NCAPD3: variants seen among roughly 807,000 people sequenced by gnomAD.
NCAPD3 encodes condensin-2 complex subunit D3.
A neutral mutation model predicts 182.9 loss-of-function variants in NCAPD3; 105 were observed. The ratio of observed to expected loss-of-function variants is 0.57; its 90% CI spans 0.49 to 0.68. The LOEUF (loss-of-function observed/expected upper bound fraction) is 0.68. Among genes scored for constraint, NCAPD3 ranks in the 30% least tolerant of loss-of-function variants. NCAPD3 has a pLI of 0.00. For synonymous variants in NCAPD3, 815 were observed against 679.9 expected, an observed-to-expected ratio of 1.20 and a Z score of -3.09; for missense variants, 1,944 against 1,837.0, an observed-to-expected ratio of 1.06 and a Z score of -1.07.
intron 32 of NCAPD3, among the ~76,000 whole-genome samples, chr11:134,156,550 G>A (rs549560201): frequency 6.6e-6 from 1 of 152,326 alleles, no homozygotes; most frequent in Admixed American, 6.5e-5. Context: ...AAAAAACATG[G>A]AGGGGAATGA....
chr11:134,183,567 C>T (rs1429122293), intron 19 of NCAPD3, among the ~76,000 whole-genome samples: 1 of 151,976 alleles, frequency 6.6e-6, no homozygotes, highest in Non-Finnish European at 1.5e-5. Flanking sequence ...GACTCCATCT[C>T]AAAAATAAAA....
chr11:134,166,872 G>A (rs535349162), intron 27 of NCAPD3, among the ~76,000 whole-genome samples: 1 of 129,166 alleles, frequency 7.7e-6, no homozygotes, highest in African/African-American at 3.0e-5. Context: ...GAGCTTAGGG[G>A]AGGCGCACAC....
At chr11:134,167,939 TA>T (rs1369320468) in intron 27 of NCAPD3, 56 bp downstream of exon 27, 10 of 1,528,490 alleles carry the variant, frequency 6.5e-6, no homozygotes, top group Admixed American at 1.7e-5. Flanking sequence ...GAGATGAGCT[TA>T]GGGGAGCAGC....
chr11:134,204,114 T>C lies in NCAPD3; in HGVS notation c.1147A>G (p.Ser383Gly). Residue 383 changes from serine (S) to glycine (G), a missense_variant, in exon 10 of 35, where the codon AGT (serine) becomes GGT (glycine). Transcript: ENST00000534548. This position sits in a 1 kb window ranked among gnomAD's most constrained non-coding sequence, Gnocchi z 4.3. Reference protein sequence around the residue: ...FAAQSLVQLLSKLPCGEYAMF... With the variant: ...FAAQSLVQLLGKLPCGEYAMF... The stretch of plus-strand genomic sequence containing the variant: ...GCGTATTCCCCACAAGGAAGTTTAC[T>C]GAGCAGCTGGACTAGGGACTGGGCT... 6.2e-7 allele frequency: 1 copy of C among 1,614,148 alleles called. No homozygotes were observed. The highest frequency in any genetic ancestry group is 8.5e-7 in the Non-Finnish European group (1 of 1,180,012).
chr11:134,213,239 G>A (rs886670239), intron 3 of NCAPD3, among the ~76,000 whole-genome samples: 4 of 152,140 alleles, frequency 2.6e-5, no homozygotes, highest in Admixed American at 2.6e-4. Context: ...TATTCTGGAG[G>A]CTGAGGAGCC....
upstream of NCAPD3, chr11:134,224,939 C>G (rs961074009): frequency 9.7e-6 from 3 of 310,472 alleles, no homozygotes; most frequent in African/African-American, 4.4e-5. Flanking sequence ...CCGGCCGTGC[C>G]CCTCCCCCGT....
At chr11:134,174,191 G>A (rs773307973) in intron 24 of NCAPD3, among the ~76,000 whole-genome samples, 4 of 151,736 alleles carry the variant, frequency 2.6e-5, no homozygotes, top group Non-Finnish European at 5.9e-5. Context: ...AGGAGTTGGA[G>A]ACCAGCCTGG....
rs780394755 is a variant in NCAPD3 at position 134,220,618 on chromosome 11, T to C, written c.173A>G (p.Tyr58Cys). Residue 58 changes from tyrosine (Y) to cysteine (C), a missense_variant, in exon 2 of 35, where the codon TAT (tyrosine) becomes TGT (cysteine). By Grantham distance (194) the Tyr-to-Cys change is radical (BLOSUM62 -2). Around this residue, in one of 3 missense-constraint regions of NCAPD3, gnomAD observed 131 missense variants for 133.9 expected, o/e 0.98. Transcript: ENST00000534548. ...AGTAGCAAAGGGTAAAAGGCTTTCA[T>C]AGAGTTTTGTGAATGCAGCCAATCC... ...ETGLAAFTKL[Y>C]ESLLPFATGE... 4 of 1,614,104 alleles carry C rather than the reference T, an allele frequency of 2.5e-6. No homozygotes were observed. Among genetic ancestry groups the C allele is most frequent in the Non-Finnish European group, 3.4e-6 (4 of 1,179,954 alleles).
intron 19 of NCAPD3, chr11:134,183,047 A>C (rs575588934): frequency 2.2e-6 from 1 of 454,300 alleles, no homozygotes; most frequent in South Asian, 1.6e-5. Flanking sequence ...ATAGGCTCTC[A>C]TGACAATGTA....
At chr11:134,177,514 T>A (rs1219568193) in intron 22 of NCAPD3, 57 bp from the exon 23 acceptor site, 48 of 1,491,204 alleles carry the variant, frequency 3.2e-5, no homozygotes, top group Non-Finnish European at 4.4e-5. Context: ...ATTCCATTCC[T>A]AAATTTTCTC....
chr11:134,151,560 T>C lies in NCAPD3; in HGVS notation c.*1384A>G, dbSNP rs1468948877. 2 of 152,198 alleles carry C rather than the reference T, an allele frequency of 1.3e-5. No individual in the cohort carries two copies. The highest frequency in any genetic ancestry group is 2.9e-5 in the Non-Finnish European group (2 of 68,050). The allele number at this position is 152,198 out of a possible 1,614,324, so 9.4% of individuals were successfully genotyped here. ...GTAGAGTCTGGGAAGTAGCTGCCTATAACTGAGACTAGACGGAAAAGGAAT... is the reference window on the plus strand; with the variant it reads ...GTAGAGTCTGGGAAGTAGCTGCCTACAACTGAGACTAGACGGAAAAGGAAT... On this transcript the variant is annotated 3_prime_UTR_variant, in exon 35 of 35. Transcript: ENST00000534548.
At chr11:134,155,291 C>T (rs1159555465) in intron 32 of NCAPD3, among the ~76,000 whole-genome samples, 1 of 152,148 alleles carries the variant, frequency 6.6e-6, no homozygotes, top group Admixed American at 6.5e-5. Context: ...ACAGTCTCCC[C>T]CACCTAAACT....
chr11:134,208,649 TGC>T (rs1937708179), intron 7 of NCAPD3, among the ~76,000 whole-genome samples: 1 of 152,218 alleles, frequency 6.6e-6, no homozygotes, highest in Non-Finnish European at 1.5e-5. Flanking sequence ...AATAATTTGC[TGC>T]AGCCACCAAG....
chr11:134,183,211 C>A (rs1032779914), intron 19 of NCAPD3: 3 of 454,848 alleles, frequency 6.6e-6, no homozygotes, highest in African/African-American at 6.0e-5. Context: ...CCAGCTCTGC[C>A]GGTAGTAAGT....
rs1403695951 is a variant in NCAPD3, at chr11:134,216,982, A to G, written c.336T>C (p.Tyr112=). 1 of 1,613,832 alleles carries G rather than the reference A, an allele frequency of 6.2e-7. No homozygotes were observed. Residue 112 remains tyrosine (Y), a synonymous_variant, in exon 3 of 35, where the codon TAT becomes TAC. Transcript: ENST00000534548. ...AGTAAAGCCCAGCGGCATGAAGGCCATATTCTCGATACTGTACACTGACAT... is the reference window on the plus strand; with the variant it reads ...AGTAAAGCCCAGCGGCATGAAGGCCGTATTCTCGATACTGTACACTGACAT... ...KKNVSVQYRE[Y]GLHAAGLYFL... is the part of the protein sequence containing the mutation.
At chr11:134,219,129 T>G (rs181966059) in intron 2 of NCAPD3, among the ~76,000 whole-genome samples, 182 of 152,294 alleles carry the variant, frequency 1.2e-3, no homozygotes, top group African/African-American at 4.3e-3. Context: ...GTATGCCTCT[T>G]GACACTTCCT....
In NCAPD3 at chr11:134,151,252, C is replaced by T. The variant is rs530840251; in HGVS notation, c.*1692G>A. ...TTTTTAGTTATGTGAAACACTTTGC[C>T]GCAGGCCGCCTGGCAGAGGCAGGAA... On this transcript the variant is annotated 3_prime_UTR_variant, in exon 35 of 35. Coordinates refer to ENST00000534548, the MANE Select transcript of NCAPD3 (RefSeq NM_015261.3). The T allele has an allele frequency of 3.3e-5, 5 of 152,268 alleles. No homozygotes were observed. The highest frequency in any genetic ancestry group is 1.9e-4 in the East Asian group (1 of 5,174). The allele number at this position is 152,268 out of a possible 1,614,324, so 9.4% of individuals were successfully genotyped here.
intron 13 of NCAPD3, among the ~76,000 whole-genome samples, chr11:134,198,700 G>A (rs1466297717): frequency 1.3e-5 from 2 of 152,188 alleles, no homozygotes; most frequent in Admixed American, 6.5e-5. Context: ...CTTATATCAA[G>A]AAAATCCTAA....
intron 24 of NCAPD3, 117 bp downstream of exon 24, chr11:134,176,190 T>C (rs913061838): frequency 3.7e-6 from 3 of 817,680 alleles, no homozygotes; most frequent in African/African-American, 3.4e-5. Flanking sequence ...TCCTGGCACC[T>C]ACCGAAAGCT....
Sources: allele counts gnomAD v4.1 joint callset (sites outside exome capture counted in the v4.1 genomes callset), GRCh38; gene constraint gnomAD v4.1.1; regional missense constraint gnomAD v4.1.1; non-coding constraint Gnocchi (gnomAD v3.1); transcripts MANE v1.5; gene names NCBI Gene and HGNC (gene_info 2026-07-23, HGNC 2026-07-21).